Variants in TTC39B observed in about 807,000 individuals in gnomAD.
The protein encoded by TTC39B is tetratricopeptide repeat domain 39B.
A neutral mutation model predicts 96.6 loss-of-function variants in TTC39B; 92 were observed. The observed-to-expected ratio is 0.95, with a 90% CI of 0.80 to 1.13. TTC39B has a LOEUF of 1.13. Ranked by LOEUF, TTC39B falls within the 50% of genes most tolerant of loss-of-function variation. The probability of loss-of-function intolerance (pLI) is 0.00; values close to 1 mark genes in which losing one functional copy is unlikely to be tolerated. For missense variants in TTC39B, 955 were observed against 809.3 expected, an observed-to-expected ratio of 1.18 and a Z score of -2.18; for synonymous variants, 367 against 299.4, an observed-to-expected ratio of 1.23 and a Z score of -2.33.
chr9:15,278,328 G>C (rs982198439), intron 1 of TTC39B, among the ~76,000 whole-genome samples: 2 of 152,142 alleles, frequency 1.3e-5, no homozygotes, highest in Non-Finnish European at 1.5e-5. Context: ...AATATGCATA[G>C]TGATATATGG....
chr9:15,172,469 A>G (rs2118411075), intron 19 of TTC39B, among the ~76,000 whole-genome samples: 1 of 152,290 alleles, frequency 6.6e-6, no homozygotes, highest in East Asian at 1.9e-4. Context: ...ATTTTAAGGT[A>G]GGTGCATATA....
intron 1 of TTC39B, among the ~76,000 whole-genome samples, chr9:15,270,577 T>C (rs1823307602): frequency 6.7e-6 from 1 of 148,860 alleles, no homozygotes; most frequent in Admixed American, 6.7e-5. Context: ...AATATTTTCA[T>C]CTAAACAAGA....
intron 1 of TTC39B, among the ~76,000 whole-genome samples, chr9:15,279,630 A>G (rs576625750): frequency 1.8e-4 from 27 of 152,302 alleles, no homozygotes; most frequent in African/African-American, 6.3e-4. Context: ...AAGATGAGTT[A>G]TTATCACTAT....
chr9:15,250,124 G>A (rs1159990327), intron 2 of TTC39B: 16 of 1,240,562 alleles, frequency 1.3e-5, no homozygotes, highest in East Asian at 5.7e-5. Flanking sequence ...AGTAGTTGCC[G>A]AGGCAGCTGA....
At chr9:15,261,823 A>C (rs1361852634) in intron 2 of TTC39B, among the ~76,000 whole-genome samples, 5 of 152,202 alleles carry the variant, frequency 3.3e-5, no homozygotes, top group Non-Finnish European at 1.5e-5. Flanking sequence ...GTTAATTATC[A>C]ACAGATTTAT....
chr9:15,272,893 A>G (rs989994829), intron 1 of TTC39B, among the ~76,000 whole-genome samples: 7 of 152,184 alleles, frequency 4.6e-5, no homozygotes, highest in Non-Finnish European at 1.0e-4. Context: ...AGGTGAGCTG[A>G]CAGATATAAG....
chr9:15,223,153 C>T (rs1157903646), intron 3 of TTC39B, among the ~76,000 whole-genome samples: 1 of 152,196 alleles, frequency 6.6e-6, no homozygotes, highest in Non-Finnish European at 1.5e-5. Context: ...AGTGACAAGG[C>T]ATTTTAGCTG....
intron 7 of TTC39B, among the ~76,000 whole-genome samples, chr9:15,203,284 T>C (rs975557557): frequency 6.6e-6 from 1 of 152,200 alleles, no homozygotes; most frequent in Non-Finnish European, 1.5e-5. Context: ...AAAGTCTTGC[T>C]CTGTCACCCA....
At chr9:15,234,553 G>C (rs1311601153) in intron 2 of TTC39B, among the ~76,000 whole-genome samples, 1 of 152,106 alleles carries the variant, frequency 6.6e-6, no homozygotes, top group Non-Finnish European at 1.5e-5. Flanking sequence ...TTGAGAACGG[G>C]CCATGATGAC....
intron 1 of TTC39B, among the ~76,000 whole-genome samples, chr9:15,277,419 C>T (rs983369901): frequency 1.3e-5 from 2 of 152,140 alleles, no homozygotes; most frequent in Admixed American, 6.5e-5. Flanking sequence ...CAAGAAACTC[C>T]GTCTAAAAAC....
At chr9:15,264,348 G>A (rs996104169) in intron 2 of TTC39B, among the ~76,000 whole-genome samples, 9 of 151,920 alleles carry the variant, frequency 5.9e-5, no homozygotes, top group Admixed American at 3.3e-4. Flanking sequence ...CTTGCCACAG[G>A]AGGAAAAAAA....
intron 2 of TTC39B, among the ~76,000 whole-genome samples, chr9:15,262,149 A>T (rs894879745): frequency 6.6e-6 from 1 of 152,134 alleles, no homozygotes; most frequent in African/African-American, 2.4e-5. Context: ...CCCAGGCTGG[A>T]GTGCAGTGGC....
intron 1 of TTC39B, among the ~76,000 whole-genome samples, chr9:15,279,285 A>C (rs1823661283): frequency 6.6e-6 from 1 of 152,238 alleles, no homozygotes; most frequent in Non-Finnish European, 1.5e-5. Flanking sequence ...GCAGTCCTTT[A>C]CTTGTAGCTC....
intron 1 of TTC39B, among the ~76,000 whole-genome samples, chr9:15,298,624 T>G (rs1318116285): frequency 6.6e-6 from 1 of 152,034 alleles, no homozygotes; most frequent in African/African-American, 2.4e-5. Context: ...TTCAATTACC[T>G]CCTACTGGGT....
chr9:15,240,949 A>G (rs916207320), intron 2 of TTC39B, among the ~76,000 whole-genome samples: 1 of 152,174 alleles, frequency 6.6e-6, no homozygotes, highest in Non-Finnish European at 1.5e-5. Flanking sequence ...TACCATCTCA[A>G]TCTGGTCCTT....
At chr9:15,287,770 C>A (rs1163569040) in intron 1 of TTC39B, among the ~76,000 whole-genome samples, 1 of 151,888 alleles carries the variant, frequency 6.6e-6, no homozygotes, top group Non-Finnish European at 1.5e-5. Context: ...CACGGTGAAA[C>A]CCCTTCTCTA....
intron 2 of TTC39B, among the ~76,000 whole-genome samples, chr9:15,234,471 C>CAGCT (rs1586931935): frequency 1.3e-5 from 2 of 150,750 alleles, no homozygotes; most frequent in Non-Finnish European, 3.0e-5. Flanking sequence ...TCTGCCCGGC[C>CAGCT]GCCCCTGCTG....
chr9:15,270,199 G>A (rs936659512), intron 1 of TTC39B, among the ~76,000 whole-genome samples: 4 of 152,022 alleles, frequency 2.6e-5, no homozygotes, highest in East Asian at 1.9e-4. Context: ...TGTAAACAGT[G>A]GCAGAACTGA....
At chr9:15,238,486 C>G (rs182192503) in intron 2 of TTC39B, among the ~76,000 whole-genome samples, 11 of 152,252 alleles carry the variant, frequency 7.2e-5, no homozygotes, top group African/African-American at 2.6e-4. Context: ...TTTCTATATA[C>G]CAATTATGTT....
Sources: allele counts gnomAD v4.1 joint callset (sites outside exome capture counted in the v4.1 genomes callset), GRCh38; gene constraint gnomAD v4.1.1; transcripts MANE v1.5; gene names NCBI Gene and HGNC (gene_info 2026-07-23, HGNC 2026-07-21).